FILIP1L: variants seen among roughly 807,000 people sequenced by gnomAD.
The protein encoded by FILIP1L is filamin A-interacting protein 1-like.
A neutral mutation model predicts 96.6 loss-of-function variants in FILIP1L; 55 were observed. The observed-to-expected ratio is 0.57, with a 90% CI of 0.46 to 0.71. FILIP1L has a LOEUF of 0.71. Among genes scored for constraint, FILIP1L ranks in the 30% least tolerant of loss-of-function variants. The pLI, the probability that FILIP1L is intolerant of heterozygous loss-of-function variation, is 0.00. For missense variants in FILIP1L, 1,304 were observed against 1,321.2 expected, an observed-to-expected ratio of 0.99 and a Z score of 0.20; for synonymous variants, 467 against 473.9, an observed-to-expected ratio of 0.99 and a Z score of 0.19.
intron 1 of FILIP1L, among the ~76,000 whole-genome samples, chr3:99,975,840 A>G (rs962842299): frequency 1.3e-5 from 2 of 152,192 alleles, no homozygotes; most frequent in African/African-American, 4.8e-5. Context: ...AACAGCATCC[A>G]TTATTGCATA....
intron 4 of FILIP1L, among the ~76,000 whole-genome samples, chr3:99,899,649 G>A (rs988482206): frequency 6.6e-6 from 1 of 152,134 alleles, no homozygotes; most frequent in Non-Finnish European, 1.5e-5. Context: ...AAAGTACACT[G>A]TTCCTGAAAT....
Position 99,848,680 on chromosome 3 carries a change from A to T in FILIP1L, c.2996T>A (p.Met999Lys), listed in dbSNP as rs759128263. The change falls in exon 5 of 6, where the codon ATG becomes AAG. Residue 999 changes from methionine (M) to lysine (K), a missense_variant. Transcript: ENST00000477258. The part of the protein sequence containing the change: ...SCGSLTPERT[M>K]SPIQVLAVTG... ...CACAGCCAAAACCTGAATAGGGGAC[A>T]TTGTCCTTTCTGGAGTTAGAGAACC... 25 of 1,614,148 alleles carry T rather than the reference A, an allele frequency of 1.5e-5. No individual in the cohort carries two copies. Among genetic ancestry groups the T allele is most frequent in the Non-Finnish European group, 2.0e-5 (24 of 1,180,020 alleles).
intron 1 of FILIP1L, among the ~76,000 whole-genome samples, chr3:100,095,554 C>G (rs2066190794): frequency 6.6e-6 from 1 of 151,786 alleles, no homozygotes; most frequent in East Asian, 1.9e-4. Flanking sequence ...GCTAGGAAAA[C>G]TGGACATTTA....
chr3:99,832,770 G>A (rs1375902423), intron 5 of FILIP1L, among the ~76,000 whole-genome samples: 3 of 147,552 alleles, frequency 2.0e-5, no homozygotes, highest in Admixed American at 2.0e-4. Context: ...AACCCACGAG[G>A]CGGAGGTTGC....
At chr3:99,965,132 G>A (rs1209153097) in intron 1 of FILIP1L, among the ~76,000 whole-genome samples, 1 of 152,198 alleles carries the variant, frequency 6.6e-6, no homozygotes, top group Non-Finnish European at 1.5e-5. Context: ...AATGTTTTCT[G>A]AAGCAATGTT....
intron 1 of FILIP1L, among the ~76,000 whole-genome samples, chr3:99,958,133 A>C (rs374820630): frequency 1.3e-5 from 2 of 149,722 alleles, no homozygotes; most frequent in East Asian, 3.9e-4. Flanking sequence ...GGTTTGTTAC[A>C]TAGGTGAATC....
At chr3:100,075,996 A>C (rs1441853250) in intron 1 of FILIP1L, among the ~76,000 whole-genome samples, 1 of 152,180 alleles carries the variant, frequency 6.6e-6, no homozygotes, top group Admixed American at 6.5e-5. Flanking sequence ...ACACAAAACT[A>C]TGTAATTTCT....
chr3:100,001,556 T>C (rs1310211791), intron 1 of FILIP1L, among the ~76,000 whole-genome samples: 1 of 152,152 alleles, frequency 6.6e-6, no homozygotes, highest in Non-Finnish European at 1.5e-5. Flanking sequence ...TTGCTTTTCG[T>C]AGGAAGAAAG....
At chr3:99,948,395 C>A (rs996547908) in intron 1 of FILIP1L, among the ~76,000 whole-genome samples, 1 of 151,678 alleles carries the variant, frequency 6.6e-6, no homozygotes, top group Non-Finnish European at 1.5e-5. Flanking sequence ...AAAATTAGCT[C>A]GGTAGGGTGA....
intron 1 of FILIP1L, among the ~76,000 whole-genome samples, chr3:100,100,991 TGTGATGACAGTGGCA>T (rs1393963733): frequency 6.6e-6 from 1 of 152,148 alleles, no homozygotes; most frequent in East Asian, 1.9e-4. Context: ...GAAGAAAGTG[TGTGATGACAGTGGCA>T]TCTCACTTGC....
At chr3:99,832,945 G>A (rs919130586) in intron 5 of FILIP1L, among the ~76,000 whole-genome samples, 1 of 150,662 alleles carries the variant, frequency 6.6e-6, no homozygotes, top group African/African-American at 2.5e-5. Flanking sequence ...TCATCTCTTG[G>A]ATCATTTTTA....
intron 4 of FILIP1L, among the ~76,000 whole-genome samples, chr3:99,895,594 T>G (rs561950999): frequency 6.6e-6 from 1 of 152,308 alleles, no homozygotes; most frequent in South Asian, 2.1e-4. Context: ...GGTAATTTTT[T>G]TTAACCTATA....
At chr3:100,076,207 T>A (rs563573061) in intron 1 of FILIP1L, among the ~76,000 whole-genome samples, 1 of 152,352 alleles carries the variant, frequency 6.6e-6, no homozygotes, top group Admixed American at 6.5e-5. Flanking sequence ...CCTCTTTTTG[T>A]CACTGCTCAG....
At chr3:100,091,378 A>G (rs2066106760) in intron 1 of FILIP1L, among the ~76,000 whole-genome samples, 1 of 152,236 alleles carries the variant, frequency 6.6e-6, no homozygotes, top group Non-Finnish European at 1.5e-5. Context: ...TTCCAAAACA[A>G]AATGTTTTAA....
At chr3:100,088,296 A>T (rs1340630369) in intron 1 of FILIP1L, among the ~76,000 whole-genome samples, 1 of 152,230 alleles carries the variant, frequency 6.6e-6, no homozygotes, top group African/African-American at 2.4e-5. Context: ...AAATAGTTTC[A>T]TTTCAGAAGT....
At chr3:99,918,671 A>G (rs1483143371) in intron 4 of FILIP1L, among the ~76,000 whole-genome samples, 1 of 152,190 alleles carries the variant, frequency 6.6e-6, no homozygotes, top group Non-Finnish European at 1.5e-5. Context: ...GTCATGATGG[A>G]CGGTCCTAAA....
chr3:99,965,743 G>T (rs1252871469), intron 1 of FILIP1L, among the ~76,000 whole-genome samples: 2 of 152,152 alleles, frequency 1.3e-5, no homozygotes, highest in Admixed American at 6.5e-5. Flanking sequence ...CTGAGTTTTA[G>T]GTTAAATGAA....
intron 5 of FILIP1L, among the ~76,000 whole-genome samples, chr3:99,841,233 A>G (rs1417684298): frequency 1.3e-5 from 2 of 152,250 alleles, no homozygotes; most frequent in South Asian, 2.1e-4. Flanking sequence ...CCCAGAGTAT[A>G]TGTACATTTG....
intron 5 of FILIP1L, among the ~76,000 whole-genome samples, chr3:99,835,877 T>A (rs547051570): frequency 2.6e-5 from 4 of 152,218 alleles, no homozygotes; most frequent in African/African-American, 9.6e-5. Flanking sequence ...GAGTAGGATT[T>A]TAGTATGAGG....
Sources: allele counts gnomAD v4.1 joint callset (sites outside exome capture counted in the v4.1 genomes callset), GRCh38; gene constraint gnomAD v4.1.1; transcripts MANE v1.5; gene names NCBI Gene and HGNC (gene_info 2026-07-23, HGNC 2026-07-21).